The following TLK1 variants were observed in gnomAD, a reference collection of about 807,000 sequenced individuals.
TLK1 encodes tousled like kinase 1.
A neutral mutation model predicts 105.3 loss-of-function variants in TLK1; 24 were observed. That is an observed-to-expected ratio of 0.23 (90% CI 0.17 to 0.32). TLK1 has a LOEUF of 0.32. Among genes scored for constraint, TLK1 ranks in the 10% least tolerant of loss-of-function variants. The probability of loss-of-function intolerance (pLI) is 1.00; values close to 1 mark genes in which losing one functional copy is unlikely to be tolerated. For missense variants in TLK1, 558 were observed against 910.5 expected, an observed-to-expected ratio of 0.61 and a Z score of 4.98; for synonymous variants, 321 against 310.4, an observed-to-expected ratio of 1.03 and a Z score of -0.36.
intron 3 of TLK1, among the ~76,000 whole-genome samples, chr2:171,071,315 T>C (rs1558923805): frequency 6.6e-6 from 1 of 151,500 alleles, no homozygotes; most frequent in Admixed American, 6.6e-5. Flanking sequence ...TGACATGGAG[T>C]CTCGCTCTGT....
intron 1 of TLK1, among the ~76,000 whole-genome samples, chr2:171,194,501 A>C (rs544527227): frequency 6.6e-6 from 1 of 152,198 alleles, no homozygotes; most frequent in Admixed American, 6.5e-5. Flanking sequence ...AGTGAAATAA[A>C]ATTTGAATAA....
chr2:171,031,102 CAGTA>C (rs1686023430), intron 11 of TLK1, among the ~76,000 whole-genome samples: 1 of 151,868 alleles, frequency 6.6e-6, no homozygotes, highest in African/African-American at 2.4e-5. Flanking sequence ...TCACAAATCT[CAGTA>C]AGAGTTCCTC....
At chr2:171,091,729 T>C (rs1215500597) in intron 2 of TLK1, 1 of 86,020 alleles carries the variant, frequency 1.2e-5, no homozygotes, top group Non-Finnish European at 2.9e-5. Context: ...TTGTTGTTGT[T>C]GTTGTTGTTG....
Position 171,183,128 on chromosome 2 carries a change from C to A in TLK1, c.-6+48017G>T, listed in dbSNP as rs554114906. 8.5e-5 allele frequency among the ~76,000 whole-genome samples: 13 copies of A among 152,082 alleles called. No homozygotes were observed. In the South Asian group the frequency reaches 2.5e-3, roughly 29 times the overall value. On this transcript the variant is annotated intron_variant, in intron 1 of 20. Coordinates refer to the TLK1 transcript ENST00000521943. Reference sequence around the variant, plus strand: ...AAACCTGTTTTTCCATATTAAAAATCATGATACATTACATATACAAAAAAG... The same window carrying A: ...AAACCTGTTTTTCCATATTAAAAATAATGATACATTACATATACAAAAAAG...
At chr2:171,195,523 C>A (rs13406196) in intron 1 of TLK1, among the ~76,000 whole-genome samples, 31,064 of 124,320 alleles carry the variant, frequency 0.25, 3,841 homozygotes, top group Non-Finnish European at 0.29. Flanking sequence ...AAAAAAAAAA[C>A]ATAATCCACC....
chr2:171,029,592 T>C (rs1019796446), intron 11 of TLK1, among the ~76,000 whole-genome samples: 4 of 152,242 alleles, frequency 2.6e-5, no homozygotes, highest in African/African-American at 9.6e-5. Context: ...GTGTTCCAAG[T>C]AGCTGGGAGT....
Position 171,006,478 on chromosome 2 carries a change from C to T in TLK1, c.1764G>A (p.Lys588=), listed in dbSNP as rs761635224. 9 of 1,585,336 alleles carry T rather than the reference C, an allele frequency of 5.7e-6. No individual in the cohort carries two copies. Among genetic ancestry groups the T allele is most frequent in the Non-Finnish European group, 5.1e-6 (6 of 1,167,848 alleles). ...IKPPIIHYDL[K]PGNILLVDGT... ...TTAGACAAATTTCATAATTACCTGGCTTAAGATCATAATGTATAATAGGGG... is the reference window on the plus strand; with the variant it reads ...TTAGACAAATTTCATAATTACCTGGTTTAAGATCATAATGTATAATAGGGG... The change falls in exon 17 of 21, where the codon AAG becomes AAA. Residue 588 remains lysine, a synonymous_variant. Transcript: ENST00000431350.
chr2:171,002,281 C>T (rs1684416445), intron 18 of TLK1, among the ~76,000 whole-genome samples: 1 of 151,832 alleles, frequency 6.6e-6, no homozygotes. Context: ...ACTTTTGAGA[C>T]AGAGTCTGGC....
At chr2:171,003,932 T>A (rs1559335783) in intron 18 of TLK1, among the ~76,000 whole-genome samples, 1 of 152,162 alleles carries the variant, frequency 6.6e-6, no homozygotes, top group Non-Finnish European at 1.5e-5. Flanking sequence ...CACGCCTTCG[T>A]GACATACCTT....
chr2:171,220,340 A>T (rs1222054228), intron 1 of TLK1, among the ~76,000 whole-genome samples: 2 of 152,166 alleles, frequency 1.3e-5, no homozygotes, highest in Non-Finnish European at 2.9e-5. Context: ...GCCTCTTGAT[A>T]TTCATGCCTT....
chr2:171,007,404 T>C (rs991493880), intron 14 of TLK1, among the ~76,000 whole-genome samples: 6 of 152,068 alleles, frequency 3.9e-5, no homozygotes, highest in Admixed American at 6.5e-5. Flanking sequence ...GGAAAACAGA[T>C]GACTGTACCA....
intron 1 of TLK1, among the ~76,000 whole-genome samples, chr2:171,187,140 A>AT (rs1455961681): frequency 5.4e-5 from 8 of 147,984 alleles, no homozygotes; most frequent in African/African-American, 9.9e-5. Context: ...ACTTCTTTTT[A>AT]TTTTTTTTGG....
chr2:171,217,257 G>A (rs989038648), intron 1 of TLK1, among the ~76,000 whole-genome samples: 5 of 152,090 alleles, frequency 3.3e-5, no homozygotes, highest in African/African-American at 1.2e-4. Context: ...ATTGCTTTTT[G>A]CAATGATTAT....
intron 20 of TLK1, among the ~76,000 whole-genome samples, chr2:170,996,152 C>A (rs762982794): frequency 6.6e-6 from 1 of 151,852 alleles, no homozygotes; most frequent in Non-Finnish European, 1.5e-5. Context: ...ATGTGTGCCA[C>A]CACGCCTGGC....
chr2:171,167,622 C>T (rs1404743381), intron 1 of TLK1, among the ~76,000 whole-genome samples: 1 of 152,098 alleles, frequency 6.6e-6, no homozygotes. Context: ...CCTCTGCTCC[C>T]TCCAGTGATG....
At chr2:171,221,294 G>A (rs1017074157) in intron 1 of TLK1, among the ~76,000 whole-genome samples, 18 of 152,072 alleles carry the variant, frequency 1.2e-4, no homozygotes, top group African/African-American at 3.1e-4. Context: ...AAAGGACAGC[G>A]TAAGGAACAA....
chr2:171,196,418 T>A (rs1693277392), intron 1 of TLK1, among the ~76,000 whole-genome samples: 1 of 152,112 alleles, frequency 6.6e-6, no homozygotes, highest in Admixed American at 6.6e-5. Flanking sequence ...CACCAGGACT[T>A]GTAGCCAGAA....
At chr2:171,178,176 A>G (rs1692867592) in intron 1 of TLK1, among the ~76,000 whole-genome samples, 1 of 152,202 alleles carries the variant, frequency 6.6e-6, no homozygotes, top group Non-Finnish European at 1.5e-5. Flanking sequence ...TCCTGTCAAT[A>G]AACTCTATAA....
At chr2:171,156,519 G>A (rs190182959) in intron 1 of TLK1, among the ~76,000 whole-genome samples, 1 of 152,314 alleles carries the variant, frequency 6.6e-6, no homozygotes, top group East Asian at 1.9e-4. Context: ...CTAAAGCATA[G>A]TCTATTTCTC....
Sources: allele counts gnomAD v4.1 joint callset (sites outside exome capture counted in the v4.1 genomes callset), GRCh38; gene constraint gnomAD v4.1.1; transcripts MANE v1.5; gene names NCBI Gene and HGNC (gene_info 2026-07-23, HGNC 2026-07-21).